The following TNS2 variants were observed in gnomAD, a reference collection of about 807,000 sequenced individuals.
The protein encoded by TNS2 is tensin 2, also known as tensin-2.
In TNS2, 77 loss-of-function variants were observed where a neutral mutation model predicts 155.7. That is an observed-to-expected ratio of 0.49 (90% CI 0.41 to 0.60). TNS2 has a LOEUF of 0.60. TNS2 is among the 20% of genes least tolerant of loss of function. The pLI is 0.00. For synonymous variants in TNS2, 726 were observed against 763.9 expected, an observed-to-expected ratio of 0.95 and a Z score of 0.82; for missense variants, 1,703 against 1,868.8, an observed-to-expected ratio of 0.91 and a Z score of 1.64.
chr12:53,049,232 C>A, upstream of TNS2: 2 of 1,606,358 alleles, frequency 1.2e-6, no homozygotes, highest in Non-Finnish European at 8.5e-7. Context: ...GAGAGCAGAC[C>A]CAGGAGAGCC....
chr12:53,055,685 T>G lies in TNS2; in HGVS notation c.691T>G (p.Cys231Gly). 2 of 1,614,188 alleles carry G rather than the reference T, an allele frequency of 1.2e-6. No homozygotes were observed. The highest frequency in any genetic ancestry group is 1.7e-6 in the Non-Finnish European group (2 of 1,180,032). The change falls in exon 9 of 29, where the codon TGC becomes GGC. Residue 231 changes from cysteine to glycine, a missense_variant. Coordinates refer to ENST00000314250, the MANE Select transcript of TNS2 (RefSeq NM_170754.4). Reference sequence around the variant, plus strand: ...CCCACAGCACGTGGTCGTACTATACTGCAAGGTGGGCCAGGACCTCGGGTT... The same window carrying G: ...CCCACAGCACGTGGTCGTACTATACGGCAAGGTGGGCCAGGACCTCGGGTT... ...ADPQHVVVLYCKGNKGKLGVI... is the reference protein window; with the variant it reads ...ADPQHVVVLYGKGNKGKLGVI...
rs762967653 is a variant in TNS2 at position 53,063,159 on chromosome 12, C to T, written c.3894C>T (p.Ala1298=). The stretch of plus-strand genomic sequence containing the variant: ...CGGGCCCCCAAGCTGTGGCCCGGGC[C>T]AGCTCTGCAGCTCTGAGCTGTAGCC... The part of the protein sequence containing the change: ...SLTGPQAVAR[A]SSAALSCSPR... The change falls in exon 26 of 29, where the codon GCC becomes GCT. Residue 1298 remains alanine, a synonymous_variant. Coordinates refer to ENST00000314250, the MANE Select transcript of TNS2 (RefSeq NM_170754.4). The surrounding 1 kb of genome is among the most constrained non-coding windows in gnomAD (Gnocchi z 5.6). 5 of 1,610,140 alleles carry T rather than the reference C, an allele frequency of 3.1e-6. No individual in the cohort carries two copies. The Admixed American group carries it at 8.4e-5, about 27-fold the overall frequency.
At chr12:53,058,966 G>C in intron 17 of TNS2, 81 bp from the exon 18 acceptor site, 1 of 1,542,816 alleles carries the variant, frequency 6.5e-7, no homozygotes, top group Non-Finnish European at 8.7e-7. Flanking sequence ...GCTGTCTCCA[G>C]TGCCATCCCC....
At position 53,064,151 on chromosome 12, in the gene TNS2, G is replaced by A. The variant is rs1035416500; in HGVS notation, c.*269G>A. On this transcript the variant is annotated 3_prime_UTR_variant, in exon 29 of 29. Coordinates refer to ENST00000314250, the MANE Select transcript of TNS2 (RefSeq NM_170754.4). ...GAGGAGGCATCAGCAGTTGAGCCCC[G>A]AAGGAGATCAGGCAGCCCCACCTGC... 62 of 421,028 alleles carry A rather than the reference G, an allele frequency of 1.5e-4. No homozygotes were observed. The South Asian group carries it at 1.8e-3, about 12-fold the overall frequency. 26.1% of individuals were successfully genotyped at this position (421,028 alleles called of 1,614,324 possible). A position where few individuals can be genotyped will look rare whatever the true frequency, so the allele number is the denominator to read the frequency against.
chr12:53,054,461 G>C lies in TNS2; in HGVS notation c.522+20G>C, dbSNP rs961394033. On this transcript the variant is annotated intron_variant, in intron 7 of 28. Transcript: ENST00000314250. Reference sequence around the variant, plus strand: ...TACCTGGTGAGGGGCGGGGCCATCAGGAGTCCGCCAATGAGAGGGATGTAG... The same window carrying C: ...TACCTGGTGAGGGGCGGGGCCATCACGAGTCCGCCAATGAGAGGGATGTAG... The C allele has an allele frequency of 5.7e-6, 9 of 1,581,958 alleles. No homozygotes were observed. The highest frequency in any genetic ancestry group is 6.8e-6 in the Non-Finnish European group (8 of 1,168,176).
chr12:53,060,067 G>A lies in TNS2; in HGVS notation c.2426G>A (p.Cys809Tyr), dbSNP rs1362796344. Residue 809 changes from cysteine to tyrosine, a missense_variant, in exon 18 of 29, where the codon TGT (cysteine) becomes TAT (tyrosine). Cys to Tyr is a radical substitution (Grantham distance 194, BLOSUM62 -2). Coordinates refer to ENST00000314250, the MANE Select transcript of TNS2 (RefSeq NM_170754.4). The surrounding 1 kb of genome is among the most constrained non-coding windows in gnomAD (Gnocchi z 6.1). ...CPAYGRVPHSCGSPGEGRGYP... is the reference protein window; with the variant it reads ...CPAYGRVPHSYGSPGEGRGYP... ...GCATATGGCCGTGTGCCTCATAGCT[G>A]TGGCTCTCCAGGAGAGGGCAGAGGG... 2 of 1,613,046 alleles carry A rather than the reference G, an allele frequency of 1.2e-6. No individual in the cohort carries two copies. The highest frequency in any genetic ancestry group is 2.7e-5 in the African/African-American group (2 of 74,930).
At position 53,054,434 on chromosome 12, in the gene TNS2, A is replaced by C; in HGVS notation, c.515A>C (p.Lys172Thr). The C allele has an allele frequency of 1.9e-6, 3 of 1,602,788 alleles. No homozygotes were observed. Among genetic ancestry groups the C allele is most frequent in the Non-Finnish European group, 2.5e-6 (3 of 1,176,594 alleles). The part of the protein sequence containing the change: ...AHVLQSKHRD[K>T]YLLFNLSEKR... ...GTGCTGCAATCCAAGCACCGGGACA[A>C]GTACCTGGTGAGGGGCGGGGCCATC... The change falls in exon 7 of 29, where the codon AAG becomes ACG. Residue 172 changes from lysine to threonine, a missense_variant. Coordinates refer to ENST00000314250, the MANE Select transcript of TNS2 (RefSeq NM_170754.4).
intron 1 of TNS2, among the ~76,000 whole-genome samples, chr12:53,051,586 C>A (rs1943932780): frequency 6.6e-6 from 1 of 152,240 alleles, no homozygotes; most frequent in Non-Finnish European, 1.5e-5. Flanking sequence ...AAGGGCATCA[C>A]ACACCAGGGC....
chr12:53,053,880 G>A (rs1944032424), intron 5 of TNS2, 68 bp downstream of exon 5: 1 of 1,613,986 alleles, frequency 6.2e-7, no homozygotes, highest in South Asian at 1.1e-5. Flanking sequence ...ATTTCCTGAA[G>A]ACAAAAAGGG....
intron 10 of TNS2, among the ~76,000 whole-genome samples, chr12:53,056,612 GTCTCTTCCTCTC>G (rs1565605778): frequency 6.6e-6 from 1 of 152,152 alleles, no homozygotes. Context: ...CTCTGTCTGT[GTCTCTTCCTCTC>G]TTCTTATAAG....
At chr12:53,048,153 G>A (rs2121035387), upstream of TNS2, among the ~76,000 whole-genome samples, 1 of 152,274 alleles carries the variant, frequency 6.6e-6, no homozygotes, top group East Asian at 1.9e-4. Context: ...CTGGCTCATA[G>A]GGATCCCATC....
At chr12:53,054,934 G>A (rs1944091240) in intron 7 of TNS2, among the ~76,000 whole-genome samples, 1 of 146,164 alleles carries the variant, frequency 6.8e-6, no homozygotes, top group Non-Finnish European at 1.5e-5. Context: ...GGGCTCAAGC[G>A]ATCCACACCC....
intron 6 of TNS2, 75 bp from the exon 7 acceptor site, chr12:53,054,195 A>T: frequency 6.2e-7 from 1 of 1,601,220 alleles, no homozygotes. Flanking sequence ...GCTGCCCAAC[A>T]GACAGCCTTC....
At chr12:53,056,114 G>A (rs905111967) in intron 10 of TNS2, 1 of 344,932 alleles carries the variant, frequency 2.9e-6, no homozygotes, top group Non-Finnish European at 5.3e-6. Flanking sequence ...CCAGCACTTT[G>A]GGAGGCTGAG....
Position 53,055,654 on chromosome 12 carries a change from T to C in TNS2, c.660T>C (p.Ser220=), listed in dbSNP as rs748477924. The C allele has an allele frequency of 5.6e-6, 9 of 1,614,152 alleles. No homozygotes were observed. The Admixed American group carries it at 1.5e-4, about 27-fold the overall frequency. Residue 220 remains serine, a synonymous_variant, in exon 9 of 29, where the codon AGT becomes AGC. Coordinates refer to ENST00000314250, the MANE Select transcript of TNS2 (RefSeq NM_170754.4). ...SICKAMETWL[S]ADPQHVVVLY... ...GCAAAGCCATGGAGACATGGCTCAG[T>C]GCTGACCCACAGCACGTGGTCGTAC...
chr12:53,062,025 G>T, intron 22 of TNS2, 85 bp downstream of exon 22: 1 of 1,611,760 alleles, frequency 6.2e-7, no homozygotes, highest in Non-Finnish European at 8.5e-7. Flanking sequence ...TGGGGGTGCT[G>T]TGCTGGCCAT....
At chr12:53,053,121 C>A in intron 3 of TNS2, 1 of 446,044 alleles carries the variant, frequency 2.2e-6, no homozygotes, top group Non-Finnish European at 4.2e-6. Context: ...CCATCCCTGG[C>A]CATGGCCTGC....
Position 53,060,799 on chromosome 12 carries a change from G to C in TNS2, c.2893G>C (p.Gly965Arg), listed in dbSNP as rs1199739622. The C allele has an allele frequency of 6.2e-7, 1 of 1,611,898 alleles. No homozygotes were observed. Among genetic ancestry groups the C allele is most frequent in the African/African-American group, 1.3e-5 (1 of 74,884 alleles). ...GKAPELPSGS[G>R]PEPLAPSPVS... ...GGCCCCTGAGCTGCCGTCGGGAAGT[G>C]GGCCTGAGCCTCTGGCCCCTAGCCC... The change falls in exon 20 of 29, where the codon GGG becomes CGG. Residue 965 changes from glycine (G) to arginine (R), a missense_variant. By Grantham distance (125) the Gly-to-Arg change is moderately radical. Transcript: ENST00000314250. This position sits in a 1 kb window ranked among gnomAD's most constrained non-coding sequence, Gnocchi z 6.1.
rs777148401 is a variant in TNS2 at position 53,061,465 on chromosome 12, C to T, written c.3444C>T (p.Asp1148=). ...KFWYKPHLSR[D]QAIALLKDKD... ...GGTACAAGCCACACCTGTCCCGTGA[C>T]CAAGGTGAGAAGCCAGCCTGCCCCC... The change falls in exon 21 of 29, where the codon GAC becomes GAT. Residue 1148 remains aspartate, a synonymous_variant. Transcript: ENST00000314250. 20 of 1,614,052 alleles carry T rather than the reference C, an allele frequency of 1.2e-5. No homozygotes were observed. Among genetic ancestry groups the T allele is most frequent in the Non-Finnish European group, 1.7e-5 (20 of 1,179,982 alleles).
Sources: gnomAD v4.1 joint callset for allele counts (sites outside exome capture counted in the v4.1 genomes callset) on GRCh38, gnomAD v4.1.1 for gene constraint, Gnocchi (gnomAD v3.1) non-coding constraint, MANE v1.5 for transcripts, NCBI Gene and HGNC (gene_info 2026-07-23, HGNC 2026-07-21) for gene names.